The following CNTN6 variants were observed in gnomAD, a reference collection of about 807,000 sequenced individuals.
CNTN6 encodes contactin-6.
In CNTN6, 137 loss-of-function variants were observed where a neutral mutation model predicts 122.8. That is an observed-to-expected ratio of 1.12 (90% CI 0.97 to 1.29). The LOEUF (loss-of-function observed/expected upper bound fraction) is 1.29, where lower values mean the gene tolerates loss of function less well. Among genes scored for constraint, CNTN6 ranks in the 50% most tolerant of loss-of-function variants. The pLI is 0.00. For missense variants in CNTN6, 1,634 were observed against 1,223.4 expected, an observed-to-expected ratio of 1.34 and a Z score of -5.01; for synonymous variants, 570 against 426.0, an observed-to-expected ratio of 1.34 and a Z score of -4.16.
At chr3:1,258,671 C>T (rs544722920) in intron 4 of CNTN6, among the ~76,000 whole-genome samples, 1 of 152,060 alleles carries the variant, frequency 6.6e-6, no homozygotes, top group Admixed American at 6.6e-5. Context: ...AACTTTTTCT[C>T]CTCGTGTCAC....
intron 1 of CNTN6, among the ~76,000 whole-genome samples, chr3:1,096,776 C>G (rs908566745): frequency 6.6e-6 from 1 of 152,080 alleles, no homozygotes; most frequent in Non-Finnish European, 1.5e-5. Flanking sequence ...CTGATGTCCC[C>G]CAAAGGTCCA....
chr3:1,239,078 A>G (rs1399202102), intron 4 of CNTN6, among the ~76,000 whole-genome samples: 3 of 152,198 alleles, frequency 2.0e-5, no homozygotes, highest in East Asian at 3.9e-4. Flanking sequence ...CAACTCTCCT[A>G]GATTAAACCA....
chr3:1,147,941 G>T lies in CNTN6; in HGVS notation c.-68G>T. 2.7e-6 allele frequency: 3 copies of T among 1,126,190 alleles called. No homozygotes were observed. The highest frequency in any genetic ancestry group is 2.6e-5 in the South Asian group (2 of 76,234). The allele number at this position is 1,126,190 out of a possible 1,614,324, so 69.8% of individuals were successfully genotyped here. On this transcript the variant is annotated 5_prime_UTR_variant, in exon 2 of 23. Coordinates refer to ENST00000446702, the MANE Select transcript of CNTN6 (RefSeq NM_001289080.2). ...GTCTTTTTCAGACTCTTGAGATACTGACTGGAAGATAGACTGTTTTGTTCC... is the reference window on the plus strand; with the variant it reads ...GTCTTTTTCAGACTCTTGAGATACTTACTGGAAGATAGACTGTTTTGTTCC...
At chr3:1,169,963 G>A (rs974377625) in intron 2 of CNTN6, among the ~76,000 whole-genome samples, 3 of 151,998 alleles carry the variant, frequency 2.0e-5, no homozygotes, top group African/African-American at 4.8e-5. Context: ...CGCCGGTTGC[G>A]GTGGCTCATG....
At chr3:1,148,552 A>G (rs1381269832) in intron 2 of CNTN6, among the ~76,000 whole-genome samples, 1 of 152,142 alleles carries the variant, frequency 6.6e-6, no homozygotes, top group Non-Finnish European at 1.5e-5. Flanking sequence ...CCTCAGAACT[A>G]GAAATAACCT....
At chr3:1,331,836 G>GA in intron 11 of CNTN6, among the ~76,000 whole-genome samples, 1 of 149,314 alleles carries the variant, frequency 6.7e-6, no homozygotes, top group Non-Finnish European at 1.5e-5. Flanking sequence ...TAATGAGAGA[G>GA]AGAAAAAAAA....
At chr3:1,371,609 G>A (rs1016805307) in intron 12 of CNTN6, among the ~76,000 whole-genome samples, 1 of 152,034 alleles carries the variant, frequency 6.6e-6, no homozygotes, top group Non-Finnish European at 1.5e-5. Flanking sequence ...CACACCCTGG[G>A]ATTGTCCTTT....
At chr3:1,116,943 G>A (rs2091746412) in intron 1 of CNTN6, among the ~76,000 whole-genome samples, 1 of 151,994 alleles carries the variant, frequency 6.6e-6, no homozygotes, top group African/African-American at 2.4e-5. Context: ...GACCTCAAGT[G>A]ATCCACCTCC....
At chr3:1,323,266 G>A (rs536609320) in intron 8 of CNTN6, among the ~76,000 whole-genome samples, 3 of 151,856 alleles carry the variant, frequency 2.0e-5, no homozygotes, top group African/African-American at 7.2e-5. Flanking sequence ...TAAGTTAATT[G>A]TGCAGGATCT....
At chr3:1,292,990 C>T (rs569666006) in intron 5 of CNTN6, among the ~76,000 whole-genome samples, 2 of 152,086 alleles carry the variant, frequency 1.3e-5, no homozygotes, top group Admixed American at 6.5e-5. Context: ...CATGACACTA[C>T]TTTTATGGTT....
intron 11 of CNTN6, among the ~76,000 whole-genome samples, chr3:1,335,249 T>C (rs1366988299): frequency 3.3e-5 from 5 of 152,164 alleles, no homozygotes; most frequent in Non-Finnish European, 7.3e-5. Flanking sequence ...GTACACACAC[T>C]GCTACATTGG....
At chr3:1,147,373 A>G (rs1575018191) in intron 1 of CNTN6, among the ~76,000 whole-genome samples, 1 of 152,236 alleles carries the variant, frequency 6.6e-6, no homozygotes, top group East Asian at 1.9e-4. Context: ...TTAATTGTCA[A>G]GATTAATTGT....
intron 1 of CNTN6, among the ~76,000 whole-genome samples, chr3:1,143,526 G>A (rs555810491): frequency 6.6e-6 from 1 of 152,084 alleles, no homozygotes; most frequent in East Asian, 1.9e-4. Flanking sequence ...AATTCCTGTG[G>A]CTATTTTGCA....
At position 1,268,998 on chromosome 3, in the gene CNTN6, T is replaced by TAAAATA. The variant is rs925264739; in HGVS notation, c.359-9403_359-9398dup. ...CCTGTCTCAAAAGTTATAAAATAAA[T>TAAAATA]AAAATAAAAATAAAAATTCAAAACA... is the stretch of plus-strand genomic sequence containing the variant. On this transcript the variant is annotated intron_variant, in intron 4 of 22. Transcript: ENST00000446702. 7.3e-5 allele frequency among the ~76,000 whole-genome samples: 11 copies of TAAAATA among 150,320 alleles called. 1 individual carries two copies. Among genetic ancestry groups the TAAAATA allele is most frequent in the African/African-American group, 2.5e-4 (10 of 39,758 alleles).
chr3:1,318,485 T>C (rs546220779), intron 7 of CNTN6, among the ~76,000 whole-genome samples: 2 of 151,942 alleles, frequency 1.3e-5, no homozygotes, highest in Admixed American at 1.3e-4. Flanking sequence ...GAATTCTAAT[T>C]AATTGAATTT....
chr3:1,312,519 C>T (rs564995135), intron 7 of CNTN6, among the ~76,000 whole-genome samples: 6 of 151,644 alleles, frequency 4.0e-5, no homozygotes, highest in South Asian at 2.1e-4. Flanking sequence ...TCCAGCTGAC[C>T]TTGGAGCCCA....
At chr3:1,204,271 C>T (rs1252357704) in intron 2 of CNTN6, among the ~76,000 whole-genome samples, 1 of 152,180 alleles carries the variant, frequency 6.6e-6, no homozygotes. Context: ...GCATTTCTAG[C>T]ATCTTTACTC....
chr3:1,136,064 C>G (rs564417686), intron 1 of CNTN6, among the ~76,000 whole-genome samples: 1 of 152,176 alleles, frequency 6.6e-6, no homozygotes, highest in East Asian at 1.9e-4. Flanking sequence ...TAAAACCCAC[C>G]CAATTTTCCT....
chr3:1,294,041 A>C (rs1695782228), intron 5 of CNTN6, among the ~76,000 whole-genome samples: 1 of 152,192 alleles, frequency 6.6e-6, no homozygotes, highest in Non-Finnish European at 1.5e-5. Context: ...CACTTTAAAA[A>C]ATTCTTTTGT....
Sources: gnomAD v4.1 joint callset for allele counts (sites outside exome capture counted in the v4.1 genomes callset) on GRCh38, gnomAD v4.1.1 for gene constraint, MANE v1.5 for transcripts, NCBI Gene and HGNC (gene_info 2026-07-23, HGNC 2026-07-21) for gene names.